NAALADL2: variants seen among roughly 807,000 people sequenced by gnomAD.
NAALADL2 encodes the protein inactive N-acetylated-alpha-linked acidic dipeptidase-like protein 2.
In NAALADL2, 76 loss-of-function variants were observed where a neutral mutation model predicts 87.2. The ratio of observed to expected loss-of-function variants is 0.87; its 90% CI spans 0.72 to 1.05. NAALADL2 has a LOEUF of 1.05. Among genes scored for constraint, NAALADL2 ranks in the 50% least tolerant of loss-of-function variants. The pLI is 0.00. For synonymous variants in NAALADL2, 354 were observed against 331.0 expected (o/e 1.07, Z -0.75); for missense variants, 1,089 against 945.8 (o/e 1.15, Z -1.99).
intron 1 of NAALADL2, among the ~76,000 whole-genome samples, chr3:175,078,684 A>C (rs886271404): frequency 2.0e-5 from 3 of 152,190 alleles, no homozygotes; most frequent in African/African-American, 4.8e-5. Flanking sequence ...AAAAGTATCC[A>C]ATACGTGGTC....
chr3:174,764,997 G>GA (rs1553850065), intron 3 of NAALADL2, among the ~76,000 whole-genome samples: 1 of 150,516 alleles, frequency 6.6e-6, no homozygotes, highest in Non-Finnish European at 1.5e-5. Flanking sequence ...TTCTACCTTT[G>GA]TTTTTTTTTC....
At chr3:175,802,066 ACT>A (rs1161917628) in intron 13 of NAALADL2, among the ~76,000 whole-genome samples, 2 of 152,050 alleles carry the variant, frequency 1.3e-5, no homozygotes, top group Non-Finnish European at 2.9e-5. Context: ...CTGTAGCTCC[ACT>A]CTCTCATCTG....
intron 4 of NAALADL2, among the ~76,000 whole-genome samples, chr3:175,275,293 A>G (rs921939855): frequency 5.9e-5 from 9 of 152,220 alleles, no homozygotes; most frequent in African/African-American, 1.9e-4. Flanking sequence ...TTGATAAAGA[A>G]TATATATTCA....
chr3:175,233,676 G>T (rs988425815), intron 2 of NAALADL2, among the ~76,000 whole-genome samples: 1 of 152,044 alleles, frequency 6.6e-6, no homozygotes, highest in African/African-American at 2.4e-5. Flanking sequence ...GTGCTTAAGC[G>T]ATCCTCCCTC....
chr3:175,139,688 CAA>C (rs34608327), intron 2 of NAALADL2, among the ~76,000 whole-genome samples: 55,141 of 151,780 alleles, frequency 0.36, 12,019 homozygotes, highest in Non-Finnish European at 0.49. Context: ...TCAGTTGAAA[CAA>C]AGAGTAGGTG....
chr3:175,033,597 A>G (rs561553489), intron 1 of NAALADL2, among the ~76,000 whole-genome samples: 9 of 152,178 alleles, frequency 5.9e-5, no homozygotes, highest in East Asian at 1.9e-4. Context: ...ATGTAATTCA[A>G]TCTATCAGCA....
chr3:175,020,175 C>T (rs114987704), intron 1 of NAALADL2, among the ~76,000 whole-genome samples: 2,226 of 151,540 alleles, frequency 0.015, 61 homozygotes, highest in African/African-American at 0.052. Context: ...CTACCAGATT[C>T]CCAAAGTTAT....
chr3:175,150,596 C>T (rs1350135086), intron 2 of NAALADL2, among the ~76,000 whole-genome samples: 2 of 152,058 alleles, frequency 1.3e-5, no homozygotes, highest in South Asian at 2.1e-4. Context: ...ATAGCCAGTT[C>T]GAATAGCCTG....
At chr3:175,697,822 CATATATATGTGTATTTATGTATACAT>C (rs1582926924) in intron 11 of NAALADL2, among the ~76,000 whole-genome samples, 2 of 95,010 alleles carry the variant, frequency 2.1e-5, no homozygotes, top group South Asian at 3.4e-4. Context: ...TGTATGTATA[CATATATATGTGTATTTATGTATACAT>C]ATATATGTGT....
chr3:174,661,617 G>A (rs538098992), intron 2 of NAALADL2, among the ~76,000 whole-genome samples: 1 of 151,770 alleles, frequency 6.6e-6, no homozygotes, highest in African/African-American at 2.4e-5. Context: ...GTGTAGTTTT[G>A]TTACCTGGGT....
intron 2 of NAALADL2, among the ~76,000 whole-genome samples, chr3:175,199,692 C>T (rs577388564): frequency 4.7e-5 from 7 of 150,354 alleles, no homozygotes; most frequent in African/African-American, 1.5e-4. Context: ...CCCTGTTTGG[C>T]GTTAGCTTTA....
At chr3:175,240,243 A>G (rs1352800601) in intron 3 of NAALADL2, among the ~76,000 whole-genome samples, 2 of 152,234 alleles carry the variant, frequency 1.3e-5, no homozygotes, top group African/African-American at 2.4e-5. Context: ...GAGTTGGACC[A>G]GAAAAGCATT....
chr3:175,245,048 C>A (rs918744666), intron 3 of NAALADL2, among the ~76,000 whole-genome samples: 2 of 152,206 alleles, frequency 1.3e-5, no homozygotes, highest in African/African-American at 2.4e-5. Flanking sequence ...CTCTTTAATA[C>A]CCTCTTTCTT....
rs182262041 is a variant in NAALADL2 at position 175,574,469 on chromosome 3, G to T, written c.1654-1572G>T. 3.7e-3 allele frequency among the ~76,000 whole-genome samples: 564 copies of T among 152,198 alleles called. 1 individual carries two copies. Among genetic ancestry groups the T allele is most frequent in the Middle Eastern group, 0.01 (3 of 294 alleles). On this transcript the variant is annotated intron_variant, in intron 9 of 13. Coordinates refer to ENST00000454872, the MANE Select transcript of NAALADL2 (RefSeq NM_207015.3). ...TCCCAGAACTCTCTGTCAAACTTTT[G>T]ATTGGTTGTTTTCTATGCCCCAAAC... is the stretch of plus-strand genomic sequence containing the variant.
intron 11 of NAALADL2, among the ~76,000 whole-genome samples, chr3:175,734,562 A>C (rs1482908413): frequency 6.6e-6 from 1 of 152,078 alleles, no homozygotes; most frequent in Non-Finnish European, 1.5e-5. Context: ...GTTTCAAAAA[A>C]AGAAAAAAAA....
intron 9 of NAALADL2, among the ~76,000 whole-genome samples, chr3:175,539,032 G>A (rs889986685): frequency 6.6e-6 from 1 of 152,086 alleles, no homozygotes; most frequent in African/African-American, 2.4e-5. Flanking sequence ...TCACTCTTAG[G>A]AGACAAAATA....
intron 3 of NAALADL2, among the ~76,000 whole-genome samples, chr3:174,843,177 A>C (rs1724215426): frequency 6.6e-6 from 1 of 152,130 alleles, no homozygotes; most frequent in Admixed American, 6.5e-5. Context: ...TCATCACCCT[A>C]CTGTACAATA....
intron 1 of NAALADL2, among the ~76,000 whole-genome samples, chr3:174,538,857 A>T (rs1165403219): frequency 6.6e-6 from 1 of 152,110 alleles, no homozygotes; most frequent in Non-Finnish European, 1.5e-5. Flanking sequence ...TCCTGCCTTT[A>T]TGGACTGCAC....
At chr3:175,359,299 T>G (rs1182204452) in intron 5 of NAALADL2, among the ~76,000 whole-genome samples, 7 of 151,600 alleles carry the variant, frequency 4.6e-5, no homozygotes, top group Admixed American at 2.6e-4. Flanking sequence ...AGCATTACAC[T>G]TTTTTTGCAA....
Sources: gnomAD v4.1 joint callset for allele counts (sites outside exome capture counted in the v4.1 genomes callset) on GRCh38, gnomAD v4.1.1 for gene constraint, MANE v1.5 for transcripts, NCBI Gene and HGNC (gene_info 2026-07-23, HGNC 2026-07-21) for gene names.